The following DLGAP2 variants were observed in gnomAD, a reference collection of about 807,000 sequenced individuals.
The protein encoded by DLGAP2 is DLG associated protein 2.
A neutral mutation model predicts 100.3 loss-of-function variants in DLGAP2; 26 were observed. That is an observed-to-expected ratio of 0.26 (90% confidence interval 0.19 to 0.36). The LOEUF (loss-of-function observed/expected upper bound fraction) is 0.36. Among genes scored for constraint, DLGAP2 ranks in the 10% least tolerant of loss-of-function variants. The pLI, the probability that DLGAP2 is intolerant of heterozygous loss-of-function variation, is 1.00. For missense variants in DLGAP2, 1,858 were observed against 1,453.2 expected (o/e 1.28, Z -4.53); for synonymous variants, 886 against 630.1 (o/e 1.41, Z -6.08).
At chr8:1,295,239 C>G in intron 3 of DLGAP2, among the ~76,000 whole-genome samples, 1 of 152,182 alleles carries the variant, frequency 6.6e-6, no homozygotes, top group Non-Finnish European at 1.5e-5. Flanking sequence ...CCTGAAAACC[C>G]CGAATCCTCC....
chr8:1,269,708 C>A (rs1171513076), intron 3 of DLGAP2, among the ~76,000 whole-genome samples: 1 of 152,080 alleles, frequency 6.6e-6, no homozygotes, highest in East Asian at 1.9e-4. Context: ...CCCCCCTCCC[C>A]CAGCCAATCT....
chr8:835,419 AG>A (rs926595358), intron 1 of DLGAP2, among the ~76,000 whole-genome samples: 2 of 151,924 alleles, frequency 1.3e-5, no homozygotes, highest in Non-Finnish European at 2.9e-5. Flanking sequence ...CTCCCAGGCC[AG>A]GCCCTGTTTT....
intron 2 of DLGAP2, among the ~76,000 whole-genome samples, chr8:1,213,533 G>C (rs185442031): frequency 1.3e-5 from 2 of 152,230 alleles, no homozygotes; most frequent in Non-Finnish European, 2.9e-5. Flanking sequence ...GTTTTAGTGA[G>C]GGATTTCCAC....
At chr8:783,980 A>C (rs1009444473) in intron 1 of DLGAP2, among the ~76,000 whole-genome samples, 4 of 152,220 alleles carry the variant, frequency 2.6e-5, no homozygotes, top group Non-Finnish European at 5.9e-5. Context: ...TTTCTGAAGG[A>C]GTTCCAAGGC....
chr8:1,123,048 G>A (rs1252556882), intron 2 of DLGAP2, among the ~76,000 whole-genome samples: 1 of 152,130 alleles, frequency 6.6e-6, no homozygotes. Context: ...TGGGTTGGGG[G>A]CACTAAATAT....
intron 2 of DLGAP2, among the ~76,000 whole-genome samples, chr8:1,045,843 C>T (rs567288337): frequency 1.3e-5 from 2 of 152,208 alleles, no homozygotes; most frequent in East Asian, 1.9e-4. Flanking sequence ...CTAGGTGACT[C>T]GCCATAGGAC....
intron 3 of DLGAP2, among the ~76,000 whole-genome samples, chr8:1,268,106 C>T (rs1052452831): frequency 1.3e-5 from 2 of 152,044 alleles, no homozygotes; most frequent in East Asian, 1.9e-4. Flanking sequence ...ACAAATAAAC[C>T]CTAGTTTGCA....
chr8:1,485,192 C>T (rs1799205528), intron 3 of DLGAP2, among the ~76,000 whole-genome samples: 1 of 152,178 alleles, frequency 6.6e-6, no homozygotes, highest in Admixed American at 6.5e-5. Flanking sequence ...TTTTATCTTC[C>T]TTTCCTCTCA....
chr8:1,177,947 G>A (rs1276848905), intron 2 of DLGAP2, among the ~76,000 whole-genome samples: 1 of 152,232 alleles, frequency 6.6e-6, no homozygotes, highest in African/African-American at 2.4e-5. Context: ...CACCAGCTGA[G>A]GCCTCAGTGA....
intron 2 of DLGAP2, among the ~76,000 whole-genome samples, chr8:1,115,964 A>G (rs774758082): frequency 3.3e-5 from 5 of 152,214 alleles, no homozygotes; most frequent in Non-Finnish European, 5.9e-5. Context: ...AGCATCACTC[A>G]TAGACATCAG....
chr8:1,297,422 G>A lies in DLGAP2; in HGVS notation c.106+38539G>A, dbSNP rs868511708. ...TCATGTGGTGAGAAACGTGGCATGC[G>A]CGAACAGACACCACGCGAGACAGGG... On this transcript the variant is annotated intron_variant, in intron 3 of 14. Coordinates refer to ENST00000637795, the MANE Select transcript of DLGAP2 (RefSeq NM_001346810.2). 7.9e-5 allele frequency among the ~76,000 whole-genome samples: 12 copies of A among 151,638 alleles called. 1 individual carries two copies. Among genetic ancestry groups the A allele is most frequent in the Middle Eastern group, 3.4e-3 (1 of 292 alleles).
At chr8:763,215 C>T (rs958957695) in intron 1 of DLGAP2, among the ~76,000 whole-genome samples, 1 of 152,182 alleles carries the variant, frequency 6.6e-6, no homozygotes, top group African/African-American at 2.4e-5. Context: ...AGCAGCGCAG[C>T]CGGGATGAGG....
At chr8:1,128,522 G>A (rs1389676075) in intron 2 of DLGAP2, among the ~76,000 whole-genome samples, 1 of 152,236 alleles carries the variant, frequency 6.6e-6, no homozygotes, top group Non-Finnish European at 1.5e-5. Context: ...CACATGCTGT[G>A]TGGGTGTGTA....
intron 1 of DLGAP2, among the ~76,000 whole-genome samples, chr8:864,618 A>G (rs551452664): frequency 5.1e-4 from 77 of 152,228 alleles, no homozygotes; most frequent in African/African-American, 1.8e-3. Flanking sequence ...CTTCCGCTCA[A>G]ATGACTGGGA....
chr8:852,457 A>C (rs908003668), intron 1 of DLGAP2, among the ~76,000 whole-genome samples: 1 of 152,222 alleles, frequency 6.6e-6, no homozygotes, highest in Admixed American at 6.5e-5. Flanking sequence ...TCCGTCTTTT[A>C]TCTGCTCATC....
chr8:961,965 C>A lies in DLGAP2; in HGVS notation c.73+53999C>A, dbSNP rs963679520. 9.9e-5 allele frequency among the ~76,000 whole-genome samples: 15 copies of A among 152,206 alleles called. 1 individual carries two copies. The highest frequency in any genetic ancestry group is 3.1e-4 in the African/African-American group (13 of 41,456). ...TGTGGATTATTTTCTCCAGCGTCAT[C>A]ATGGACGCCACCAGTGTGGCCATCC... On this transcript the variant is annotated intron_variant, in intron 2 of 14. Coordinates refer to ENST00000637795, the MANE Select transcript of DLGAP2 (RefSeq NM_001346810.2).
At chr8:1,178,388 T>G (rs982968999) in intron 2 of DLGAP2, among the ~76,000 whole-genome samples, 9 of 151,866 alleles carry the variant, frequency 5.9e-5, no homozygotes, top group African/African-American at 1.7e-4. Flanking sequence ...GTTGAGGGAG[T>G]TCCTAAGGCT....
chr8:831,568 A>G lies in DLGAP2; in HGVS notation c.19-76344A>G, dbSNP rs1399950223. Among the ~76,000 whole-genome samples the G allele has an allele frequency of 3.9e-5, 6 of 152,258 alleles. No individual in the cohort carries two copies. The South Asian group carries it at 1.2e-3, about 32-fold the overall frequency. On this transcript the variant is annotated intron_variant, in intron 1 of 14. Transcript: ENST00000637795. Reference sequence around the variant, plus strand: ...ACTCATCCTTTTTAATGGCTGCATAATATTCCATGGTGTATATGTGCCACA... The same window carrying G: ...ACTCATCCTTTTTAATGGCTGCATAGTATTCCATGGTGTATATGTGCCACA...
intron 2 of DLGAP2, among the ~76,000 whole-genome samples, chr8:1,163,078 A>T (rs1236087818): frequency 6.6e-6 from 1 of 152,102 alleles, no homozygotes; most frequent in Non-Finnish European, 1.5e-5. Context: ...CTCGGCTGGT[A>T]AGAGGCCCGG....
Sources: allele counts gnomAD v4.1 joint callset (sites outside exome capture counted in the v4.1 genomes callset), GRCh38; gene constraint gnomAD v4.1.1; transcripts MANE v1.5; gene names NCBI Gene and HGNC (gene_info 2026-07-23, HGNC 2026-07-21).